ANO10: variants seen among roughly 807,000 people sequenced by gnomAD.
The protein encoded by ANO10 is anoctamin-10.
ANO10 carries 77 observed loss-of-function variants against 74.7 expected under a neutral mutation model. The observed-to-expected ratio is 1.03, with a 90% CI of 0.86 to 1.25. The LOEUF (loss-of-function observed/expected upper bound fraction) is 1.25. Among genes scored for constraint, ANO10 ranks in the 50% most tolerant of loss-of-function variants. The pLI is 0.00. For missense variants in ANO10, 721 were observed against 778.1 expected (o/e 0.93, Z 0.87); for synonymous variants, 279 against 284.9 (o/e 0.98, Z 0.21).
intron 1 of ANO10, chr3:43,691,029 A>G (rs1264522611): frequency 1.9e-6 from 3 of 1,561,050 alleles, no homozygotes; most frequent in African/African-American, 1.4e-5. Context: ...CTCTGCCGAC[A>G]CCGGAGAGAG....
intron 1 of ANO10, among the ~76,000 whole-genome samples, chr3:43,663,311 G>A (rs2083948478): frequency 6.6e-6 from 1 of 152,156 alleles, no homozygotes; most frequent in Admixed American, 6.5e-5. Context: ...CTTAATAGAT[G>A]CAGAAAAGGC....
chr3:43,515,297 G>A (rs942791750), intron 11 of ANO10, among the ~76,000 whole-genome samples: 1 of 152,194 alleles, frequency 6.6e-6, no homozygotes, highest in African/African-American at 2.4e-5. Flanking sequence ...CAATGTGGGT[G>A]AGCCTCATCC....
At chr3:43,534,479 A>G (rs1172915450) in intron 11 of ANO10, among the ~76,000 whole-genome samples, 1 of 147,212 alleles carries the variant, frequency 6.8e-6, no homozygotes, top group Non-Finnish European at 1.5e-5. Context: ...CGCGCATGAG[A>G]GAGAGCGCGC....
intron 11 of ANO10, among the ~76,000 whole-genome samples, chr3:43,527,337 T>A (rs2078250442): frequency 6.6e-6 from 1 of 152,136 alleles, no homozygotes; most frequent in African/African-American, 2.4e-5. Flanking sequence ...TCAAAATAAG[T>A]ATGATAATTC....
chr3:43,389,921 C>A (rs996730990), intron 12 of ANO10, among the ~76,000 whole-genome samples: 1 of 152,116 alleles, frequency 6.6e-6, no homozygotes, highest in African/African-American at 2.4e-5. Flanking sequence ...CAAAACAAAA[C>A]AAAACAAAAC....
intron 11 of ANO10, among the ~76,000 whole-genome samples, chr3:43,480,544 C>T (rs1316818910): frequency 1.3e-5 from 2 of 152,126 alleles, no homozygotes; most frequent in Admixed American, 1.3e-4. Context: ...ATTTGGAGGG[C>T]AGATGGGCAT....
chr3:43,429,103 G>A (rs2092943086), intron 12 of ANO10, among the ~76,000 whole-genome samples: 1 of 152,022 alleles, frequency 6.6e-6, no homozygotes, highest in African/African-American at 2.4e-5. Context: ...TGACTTGAGA[G>A]GTCATTTAGC....
intron 12 of ANO10, among the ~76,000 whole-genome samples, chr3:43,373,735 G>C (rs1032733936): frequency 9.8e-5 from 15 of 152,332 alleles, no homozygotes; most frequent in Admixed American, 9.8e-4. Flanking sequence ...CAGGAAGCTA[G>C]TCATGTCTGA....
intron 12 of ANO10, among the ~76,000 whole-genome samples, chr3:43,403,736 T>C (rs2092525553): frequency 6.6e-6 from 1 of 152,266 alleles, no homozygotes; most frequent in South Asian, 2.1e-4. Flanking sequence ...TCAGCTTACC[T>C]ATAAGCTTAA....
At chr3:43,480,619 G>A (rs909376135) in intron 11 of ANO10, among the ~76,000 whole-genome samples, 3 of 152,126 alleles carry the variant, frequency 2.0e-5, no homozygotes, top group Non-Finnish European at 2.9e-5. Flanking sequence ...ATAAAGGAGG[G>A]GGTTACAAGA....
At chr3:43,384,829 A>G (rs1343105392) in intron 12 of ANO10, among the ~76,000 whole-genome samples, 5 of 152,214 alleles carry the variant, frequency 3.3e-5, no homozygotes, top group Non-Finnish European at 5.9e-5. Flanking sequence ...AGAAGATAAC[A>G]TCAGAAAAAC....
intron 1 of ANO10, among the ~76,000 whole-genome samples, chr3:43,666,207 G>A (rs981784755): frequency 6.6e-6 from 1 of 152,070 alleles, no homozygotes; most frequent in African/African-American, 2.4e-5. Context: ...AGTACTTAAT[G>A]TCCCTTTGTT....
At chr3:43,452,611 G>A (rs1296343879) in intron 11 of ANO10, among the ~76,000 whole-genome samples, 1 of 152,164 alleles carries the variant, frequency 6.6e-6, no homozygotes, top group Non-Finnish European at 1.5e-5. Context: ...TCCATTTGAG[G>A]CTATCACGAA....
chr3:43,591,905 T>C (rs2081786189), intron 4 of ANO10, among the ~76,000 whole-genome samples: 2 of 152,184 alleles, frequency 1.3e-5, no homozygotes, highest in African/African-American at 4.8e-5. Flanking sequence ...ACCCTAACAC[T>C]GCACTTTTCC....
chr3:43,471,785 C>T (rs2149058354), intron 11 of ANO10, among the ~76,000 whole-genome samples: 1 of 152,202 alleles, frequency 6.6e-6, no homozygotes, highest in South Asian at 2.1e-4. Context: ...AAAAAAATTT[C>T]TTTTTAAGAA....
intron 11 of ANO10, among the ~76,000 whole-genome samples, chr3:43,541,712 T>C (rs2078964785): frequency 6.6e-6 from 1 of 152,222 alleles, no homozygotes; most frequent in Admixed American, 6.5e-5. Flanking sequence ...GTAACTCTAC[T>C]GAGTTACTTT....
chr3:43,460,382 A>C (rs2075324995), intron 11 of ANO10, among the ~76,000 whole-genome samples: 1 of 152,226 alleles, frequency 6.6e-6, no homozygotes, highest in Non-Finnish European at 1.5e-5. Context: ...GCATACATAC[A>C]TGTGCCACAC....
intron 1 of ANO10, among the ~76,000 whole-genome samples, chr3:43,620,158 G>A (rs2083313626): frequency 6.6e-6 from 1 of 151,958 alleles, no homozygotes; most frequent in Non-Finnish European, 1.5e-5. Flanking sequence ...ACAGTACTAG[G>A]CACATAACTA....
intron 12 of ANO10, among the ~76,000 whole-genome samples, chr3:43,394,315 C>T (rs1294210312): frequency 6.6e-6 from 1 of 152,134 alleles, no homozygotes; most frequent in African/African-American, 2.4e-5. Flanking sequence ...GGCAGGCAGC[C>T]ACCCCTTGAA....
Sources: gnomAD v4.1 joint callset for allele counts (sites outside exome capture counted in the v4.1 genomes callset) on GRCh38, gnomAD v4.1.1 for gene constraint, MANE v1.5 for transcripts, NCBI Gene and HGNC (gene_info 2026-07-23, HGNC 2026-07-21) for gene names.